Variants in MSL2 observed in about 807,000 individuals in gnomAD.
MSL2 encodes MSL complex subunit 2, also known as E3 ubiquitin-protein ligase MSL2.
In MSL2, 2 loss-of-function variants were observed where a neutral mutation model predicts 35.8. The observed-to-expected ratio is 0.06, with a 90% confidence interval of 0.02 to 0.18. MSL2 has a LOEUF of 0.18. MSL2 is among the 10% of genes least tolerant of loss of function. MSL2 has a pLI of 1.00. For synonymous variants in MSL2, 296 were observed against 255.7 expected (o/e 1.16, Z -1.50); for missense variants, 523 against 706.7 (o/e 0.74, Z 2.95).
chr3:136,168,829 C>G (rs1939927647), intron 1 of MSL2, among the ~76,000 whole-genome samples: 1 of 152,022 alleles, frequency 6.6e-6, no homozygotes, highest in South Asian at 2.1e-4. Flanking sequence ...CCAATTTCCT[C>G]AGCAATTACT....
chr3:136,168,519 C>G (rs973211061), intron 1 of MSL2, among the ~76,000 whole-genome samples: 7 of 152,106 alleles, frequency 4.6e-5, no homozygotes, highest in African/African-American at 1.7e-4. Flanking sequence ...GAACACAAAA[C>G]CAAACACCGC....
In MSL2 at chr3:136,196,192, C is replaced by T; in HGVS notation, c.-1079G>A. The T allele has an allele frequency of 6.5e-6, 1 of 152,878 alleles. No individual in the cohort carries two copies. The allele number at this position is 152,878 out of a possible 1,614,324, so 9.5% of individuals were successfully genotyped here. On this transcript the variant is annotated 5_prime_UTR_variant, in exon 1 of 2. Coordinates refer to ENST00000309993, the MANE Select transcript of MSL2 (RefSeq NM_018133.4). Reference sequence around the variant, plus strand: ...CTCCAGCTCGGTAGGGCCCGGGCTGCTGCGGCCTTAATGGATCCCGCGGGC... The same window carrying T: ...CTCCAGCTCGGTAGGGCCCGGGCTGTTGCGGCCTTAATGGATCCCGCGGGC...
intron 1 of MSL2, among the ~76,000 whole-genome samples, chr3:136,158,660 G>C (rs190633675): frequency 6.6e-6 from 1 of 151,972 alleles, no homozygotes; most frequent in Non-Finnish European, 1.5e-5. Context: ...AGACTAAAAA[G>C]AAACAAGTAA....
At chr3:136,173,814 T>C (rs1241692981) in intron 1 of MSL2, among the ~76,000 whole-genome samples, 4 of 152,170 alleles carry the variant, frequency 2.6e-5, no homozygotes, top group East Asian at 3.9e-4. Context: ...TTCCAGAATC[T>C]AGCCCCTACC....
intron 1 of MSL2, among the ~76,000 whole-genome samples, chr3:136,158,129 T>C (rs1576356899): frequency 6.6e-6 from 1 of 151,948 alleles, no homozygotes; most frequent in Non-Finnish European, 1.5e-5. Context: ...CTGACCAACA[T>C]GGAGAAACCC....
rs1238254952 is a variant in MSL2, at chr3:136,195,119, A to G, written c.-6T>C. The G allele has an allele frequency of 6.3e-7, 1 of 1,591,168 alleles. No homozygotes were observed. Among genetic ancestry groups the G allele is most frequent in the East Asian group, 2.2e-5 (1 of 44,456 alleles). On this transcript the variant is annotated 5_prime_UTR_variant, in exon 1 of 2. Transcript: ENST00000309993. ...GTAGCATTCACGGGGTTCATTGCAG[A>G]CACTTCGACACCAATGGCTCCCGGT...
chr3:136,178,973 G>A (rs186416961), intron 1 of MSL2, among the ~76,000 whole-genome samples: 219 of 139,404 alleles, frequency 1.6e-3, no homozygotes, highest in Non-Finnish European at 2.3e-3. Context: ...TTATTTTGTT[G>A]GTTTTCTTTT....
intron 1 of MSL2, among the ~76,000 whole-genome samples, chr3:136,183,799 A>G (rs1187602989): frequency 6.6e-6 from 1 of 152,244 alleles, no homozygotes; most frequent in Non-Finnish European, 1.5e-5. Context: ...ATTTCAACTC[A>G]ATAACTGACA....
chr3:136,154,154 AG>A (rs960794022), intron 1 of MSL2, among the ~76,000 whole-genome samples: 4 of 152,128 alleles, frequency 2.6e-5, no homozygotes, highest in African/African-American at 9.7e-5. Flanking sequence ...CAAAGAAAAA[AG>A]GAGTACTACT....
At chr3:136,180,760 A>AGGAGGGAAGGAGGGAGGGAGGGAG (rs1940319212) in intron 1 of MSL2, among the ~76,000 whole-genome samples, 1 of 41,602 alleles carries the variant, frequency 2.4e-5, no homozygotes, top group Non-Finnish European at 4.6e-5. Flanking sequence ...GAAGGAGGGA[A>AGGAGGGAAGGAGGGAGGGAGGGAG]GGAGGGAGGG....
rs141177820 is a variant in MSL2 at position 136,170,745 on chromosome 3, C to T, written c.143-18007G>A. 4.9e-3 allele frequency among the ~76,000 whole-genome samples: 745 copies of T among 152,034 alleles called. 7 individuals carry two copies. The highest frequency in any genetic ancestry group is 0.017 in the African/African-American group (725 of 41,448). ...GTCTCGATCTCTTGACTTCGTGATC[C>T]GCCCACCTCAGCCTCCCAAAGTGCT... On this transcript the variant is annotated intron_variant, in intron 1 of 1. Coordinates refer to ENST00000309993, the MANE Select transcript of MSL2 (RefSeq NM_018133.4).
In MSL2 at chr3:136,195,126, G is replaced by C. The variant is rs1354901844; in HGVS notation, c.-13C>G. On this transcript the variant is annotated 5_prime_UTR_variant, in exon 1 of 2. Transcript: ENST00000309993. ...TCACGGGGTTCATTGCAGACACTTC[G>C]ACACCAATGGCTCCCGGTTGAAAAG... 2 of 1,584,120 alleles carry C rather than the reference G, an allele frequency of 1.3e-6. No homozygotes were observed. The highest frequency in any genetic ancestry group is 1.1e-5 in the South Asian group (1 of 87,512).
rs776843553 is a variant in MSL2, at chr3:136,152,221, T to C, written c.660A>G (p.Val220=). Residue 220 remains valine, a synonymous_variant, in exon 2 of 2, where the codon GTA becomes GTG. Transcript: ENST00000309993. ...CAGTTTTTATGTCAACAGTATTACA[T>C]ACGTCAATCGTATTTGAATGTTCAG... ...PSPEHSNTID[V]CNTVDIKTED... is the part of the protein sequence containing the mutation. 1.9e-6 allele frequency: 3 copies of C among 1,614,184 alleles called. No individual in the cohort carries two copies. The highest frequency in any genetic ancestry group is 1.7e-5 in the Admixed American group (1 of 60,020).
rs188402014 is a variant in MSL2, at chr3:136,190,419, G to C, written c.142+4553C>G. 6.8e-4 allele frequency among the ~76,000 whole-genome samples: 104 copies of C among 152,136 alleles called. 1 individual carries two copies. The East Asian group carries it at 0.011, about 16-fold the overall frequency. On this transcript the variant is annotated intron_variant, in intron 1 of 1. Coordinates refer to ENST00000309993, the MANE Select transcript of MSL2 (RefSeq NM_018133.4). ...ATTTTTAAATTAGCCAACCACGTGTGGTGGCGCACACCTGTAGTGTTAGCT... is the reference window on the plus strand; with the variant it reads ...ATTTTTAAATTAGCCAACCACGTGTCGTGGCGCACACCTGTAGTGTTAGCT...
chr3:136,158,963 C>T (rs771205249), intron 1 of MSL2, among the ~76,000 whole-genome samples: 1 of 152,154 alleles, frequency 6.6e-6, no homozygotes, highest in Non-Finnish European at 1.5e-5. Context: ...AGTATCTAAA[C>T]AGACATGTTC....
chr3:136,178,708 T>C (rs1940251887), intron 1 of MSL2, among the ~76,000 whole-genome samples: 1 of 151,966 alleles, frequency 6.6e-6, no homozygotes, highest in East Asian at 1.9e-4. Flanking sequence ...CTAACTTTTT[T>C]ATTTTTAGTA....
In MSL2 at chr3:136,151,486, C is replaced by G; in HGVS notation, c.1395G>C (p.Gly465=). The G allele has an allele frequency of 6.2e-7, 1 of 1,614,202 alleles. No individual in the cohort carries two copies. The highest frequency in any genetic ancestry group is 8.5e-7 in the Non-Finnish European group (1 of 1,180,044). ...KPQEKKGCKC[G]RATQNPSVLT... ...GAACACTTGGATTTTGAGTAGCACGCCCACATTTACACCCTTTCTTTTCCT... is the reference window on the plus strand; with the variant it reads ...GAACACTTGGATTTTGAGTAGCACGGCCACATTTACACCCTTTCTTTTCCT... Residue 465 remains glycine (G), a synonymous_variant, in exon 2 of 2, where the codon GGG becomes GGC. Coordinates refer to ENST00000309993, the MANE Select transcript of MSL2 (RefSeq NM_018133.4). This position sits in a 1 kb window ranked among gnomAD's most constrained non-coding sequence, Gnocchi z 5.2.
intron 1 of MSL2, among the ~76,000 whole-genome samples, chr3:136,154,658 CTG>C (rs1322016073): frequency 6.6e-6 from 1 of 151,892 alleles, no homozygotes; most frequent in African/African-American, 2.4e-5. Context: ...ATAAGAGAAA[CTG>C]AGAAAACATT....
At chr3:136,176,571 C>T (rs1329506143) in intron 1 of MSL2, among the ~76,000 whole-genome samples, 1 of 148,066 alleles carries the variant, frequency 6.8e-6, no homozygotes, top group African/African-American at 2.5e-5. Flanking sequence ...TCATGCCTAT[C>T]ATCTCAGCAT....
Sources: allele counts gnomAD v4.1 joint callset (sites outside exome capture counted in the v4.1 genomes callset), GRCh38; gene constraint gnomAD v4.1.1; non-coding constraint Gnocchi (gnomAD v3.1); transcripts MANE v1.5; gene names NCBI Gene and HGNC (gene_info 2026-07-23, HGNC 2026-07-21).